Variants in ZNF354C observed in about 807,000 individuals in gnomAD.
ZNF354C encodes zinc finger protein 354C.
ZNF354C carries 7 observed loss-of-function variants against 12.4 expected under a neutral mutation model. The observed-to-expected ratio is 0.56, with a 90% CI of 0.32 to 1.06. The LOEUF (loss-of-function observed/expected upper bound fraction) is 1.06. ZNF354C is among the 50% of genes least tolerant of loss of function. The pLI, the probability that ZNF354C is intolerant of heterozygous loss-of-function variation, is 0.04. For synonymous variants in ZNF354C, 202 were observed against 224.5 expected (o/e 0.90, Z 0.90); for missense variants, 609 against 658.0 (o/e 0.93, Z 0.81).
chr5:179,078,931 A>G lies in ZNF354C; in HGVS notation c.499A>G (p.Lys167Glu). 2 of 1,614,086 alleles carry G rather than the reference A, an allele frequency of 1.2e-6. No individual in the cohort carries two copies. The highest frequency in any genetic ancestry group is 8.5e-7 in the Non-Finnish European group (1 of 1,179,954). Residue 167 changes from lysine to glutamate, a missense_variant, in exon 5 of 5, where the codon AAA becomes GAA. Physicochemically the swap from Lys to Glu is moderately conservative, Grantham distance 56 (BLOSUM62 1). Coordinates refer to ENST00000315475, the MANE Select transcript of ZNF354C (RefSeq NM_014594.3). ...DGNHTSLELGKSLFTNTALVT... is the reference protein window; with the variant it reads ...DGNHTSLELGESLFTNTALVT... ...AAACCATACAAGTCTTGAATTGGGG[A>G]AAAGCTTATTTACAAATACAGCTCT...
intron 2 of ZNF354C, among the ~76,000 whole-genome samples, chr5:179,065,638 A>T (rs759971338): frequency 6.6e-6 from 1 of 151,886 alleles, no homozygotes; most frequent in African/African-American, 2.4e-5. Flanking sequence ...CTGGTCTCGA[A>T]CTCTTGGCCT....
At chr5:179,069,732 G>A (rs1012660575) in intron 2 of ZNF354C, among the ~76,000 whole-genome samples, 97 of 151,780 alleles carry the variant, frequency 6.4e-4, no homozygotes, top group African/African-American at 2.3e-3. Flanking sequence ...CGGGCGCGGT[G>A]GCGGGCGCCT....
At chr5:179,076,288 A>C (rs1019771508) in intron 2 of ZNF354C, among the ~76,000 whole-genome samples, 157 bp from the exon 3 acceptor site, 3 of 152,236 alleles carry the variant, frequency 2.0e-5, no homozygotes, top group Non-Finnish European at 4.4e-5. Context: ...TACTTTTTTA[A>C]TTAAATAGCT....
Position 179,079,205 on chromosome 5 carries a change from C to T in ZNF354C, c.773C>T (p.Ser258Phe). 2 of 1,613,932 alleles carry T rather than the reference C, an allele frequency of 1.2e-6. No individual in the cohort carries two copies. The highest frequency in any genetic ancestry group is 8.5e-7 in the Non-Finnish European group (1 of 1,179,988). Residue 258 changes from serine to phenylalanine, a missense_variant, in exon 5 of 5, where the codon TCC becomes TTC. Transcript: ENST00000315475. The surrounding 1 kb of genome is among the most constrained non-coding windows in gnomAD (Gnocchi z 4.2). Reference protein sequence around the residue: ...ECEKTFSHRSSLLSHQRIHTG... With the variant: ...ECEKTFSHRSFLLSHQRIHTG... ...GAAAAAACCTTCAGCCACAGATCAT[C>T]CCTTCTTTCTCATCAGAGAATTCAT...
intron 2 of ZNF354C, among the ~76,000 whole-genome samples, chr5:179,074,612 C>A (rs767280372): frequency 6.6e-6 from 1 of 152,130 alleles, no homozygotes; most frequent in Non-Finnish European, 1.5e-5. Flanking sequence ...AGAGTCATGG[C>A]GTGGTCTGTG....
chr5:179,070,360 T>C (rs1762032634), intron 2 of ZNF354C, among the ~76,000 whole-genome samples: 1 of 152,228 alleles, frequency 6.6e-6, no homozygotes, highest in Non-Finnish European at 1.5e-5. Context: ...TACAGTCTGG[T>C]AATTTGTGGC....
intron 2 of ZNF354C, among the ~76,000 whole-genome samples, chr5:179,066,042 C>T (rs929318021): frequency 2.0e-5 from 3 of 152,202 alleles, no homozygotes; most frequent in African/African-American, 7.2e-5. Context: ...GGTGAAGAAT[C>T]AACATACATT....
Position 179,077,043 on chromosome 5 carries a change from C to T in ZNF354C, c.155-28C>T, listed in dbSNP as rs746725553. On this transcript the variant is annotated intron_variant, in intron 3 of 4. Transcript: ENST00000315475. ...AGGATTGGTCTTCATGCTATTTGTT[C>T]AAACTTCATTTGCTTCCTCATGAGC... is the stretch of plus-strand genomic sequence containing the variant. 9 of 1,602,616 alleles carry T rather than the reference C, an allele frequency of 5.6e-6. 1 individual carries two copies. In the South Asian group the frequency reaches 1.0e-4, roughly 18 times the overall value.
At chr5:179,069,783 G>C (rs1332880182) in intron 2 of ZNF354C, among the ~76,000 whole-genome samples, 1 of 149,904 alleles carries the variant, frequency 6.7e-6, no homozygotes, top group African/African-American at 2.5e-5. Context: ...GGAGAATGGT[G>C]TGAACCCGGG....
In ZNF354C at chr5:179,082,781, A is replaced by G; in HGVS notation, c.*2684A>G. 1.5e-6 allele frequency: 2 copies of G among 1,349,222 alleles called. No homozygotes were observed. The highest frequency in any genetic ancestry group is 2.1e-6 in the Non-Finnish European group (2 of 939,978). The allele number at this position is 1,349,222 out of a possible 1,614,324, so 83.6% of individuals were successfully genotyped here. On this transcript the variant is annotated 3_prime_UTR_variant, in exon 5 of 5. Transcript: ENST00000315475. ...CCATTAGGCGAGGATCACTGGCATC[A>G]TCCAGGGTGATGTTCTTCAAGCGAC...
rs745969586 is a variant in ZNF354C, at chr5:179,079,745, A to T, written c.1313A>T (p.Lys438Ile). The T allele has an allele frequency of 1.2e-6, 2 of 1,614,028 alleles. No homozygotes were observed. The highest frequency in any genetic ancestry group is 2.7e-5 in the African/African-American group (2 of 74,928). ...CATCGGAAAATTCATACTGGGGAAA[A>T]ACTTTATACATGTGAGGAATGTGGG... ...NEHRKIHTGE[K>I]LYTCEECGKA... The change falls in exon 5 of 5, where the codon AAA becomes ATA. Residue 438 changes from lysine (K) to isoleucine (I), a missense_variant. Lys to Ile is a moderately radical substitution (Grantham distance 102, BLOSUM62 -3). Transcript: ENST00000315475. The surrounding 1 kb of genome is among the most constrained non-coding windows in gnomAD (Gnocchi z 4.2).
intron 2 of ZNF354C, among the ~76,000 whole-genome samples, chr5:179,075,594 T>C (rs1403059215): frequency 6.6e-6 from 1 of 152,174 alleles, no homozygotes; most frequent in Non-Finnish European, 1.5e-5. Context: ...TCCACAAATA[T>C]CAAAGAATAA....
chr5:179,064,493 T>G (rs1488821191), intron 2 of ZNF354C, among the ~76,000 whole-genome samples: 1 of 151,958 alleles, frequency 6.6e-6, no homozygotes, highest in African/African-American at 2.4e-5. Flanking sequence ...CTCGGTTCAC[T>G]GCAAGCTCCG....
At position 179,076,449 on chromosome 5, in the gene ZNF354C, C is replaced by T. The variant is rs1762124360; in HGVS notation, c.32C>T (p.Pro11Leu). Residue 11 changes from proline (P) to leucine (L), a missense_variant, in exon 3 of 5, where the codon CCT becomes CTT. Coordinates refer to ENST00000315475, the MANE Select transcript of ZNF354C (RefSeq NM_014594.3). MAVDLLSAQE[P>L]VTFRDVAVFF... ...GGTATGGGTTTGCCATTACAGGAGC[C>T]TGTGACATTCAGGGATGTGGCCGTG... The T allele has an allele frequency of 6.2e-7, 1 of 1,614,170 alleles. No homozygotes were observed. The highest frequency in any genetic ancestry group is 8.5e-7 in the Non-Finnish European group (1 of 1,180,032).
intron 2 of ZNF354C, among the ~76,000 whole-genome samples, chr5:179,073,302 A>G (rs1762073904): frequency 5.3e-5 from 8 of 152,224 alleles, no homozygotes; most frequent in Admixed American, 5.2e-4. Context: ...GAAGTTATGT[A>G]AGTTAAAAGA....
Position 179,077,118 on chromosome 5 carries a change from G to C in ZNF354C, c.202G>C (p.Glu68Gln). 6.2e-7 allele frequency: 1 copy of C among 1,614,198 alleles called. No homozygotes were observed. ...PKLIHQLQQG[E>Q]DPCMVEREVP... is the part of the protein sequence containing the mutation. ...GTTGATTCATCAGTTGCAGCAAGGA[G>C]AAGATCCCTGCATGGTGGAAAGAGA... is the stretch of plus-strand genomic sequence containing the variant. The change falls in exon 4 of 5, where the codon GAA (glutamate) becomes CAA (glutamine). Residue 68 changes from glutamate (E) to glutamine (Q), a missense_variant. Physicochemically the swap from Glu to Gln is conservative, Grantham distance 29 (BLOSUM62 2). Transcript: ENST00000315475.
At chr5:179,071,367 A>ATTTTTTT (rs35793705) in intron 2 of ZNF354C, among the ~76,000 whole-genome samples, 2 of 131,534 alleles carry the variant, frequency 1.5e-5, no homozygotes, top group African/African-American at 2.8e-5. Flanking sequence ...TGCCAGGCTC[A>ATTTTTTT]TTTTTTTTTT....
At chr5:179,068,500 TTG>T (rs1761989501) in intron 2 of ZNF354C, among the ~76,000 whole-genome samples, 1 of 152,216 alleles carries the variant, frequency 6.6e-6, no homozygotes, top group Admixed American at 6.5e-5. Flanking sequence ...ATGATTTACA[TTG>T]TGTTTTTGTT....
At chr5:179,075,315 A>C (rs1160270430) in intron 2 of ZNF354C, among the ~76,000 whole-genome samples, 3 of 149,160 alleles carry the variant, frequency 2.0e-5, no homozygotes, top group African/African-American at 7.5e-5. Context: ...CCAGCTACTC[A>C]GGAGGCTGAG....
Sources: allele counts gnomAD v4.1 joint callset (sites outside exome capture counted in the v4.1 genomes callset), GRCh38; gene constraint gnomAD v4.1.1; non-coding constraint Gnocchi (gnomAD v3.1); transcripts MANE v1.5; gene names NCBI Gene and HGNC (gene_info 2026-07-23, HGNC 2026-07-21).